The following NCALD variants were observed in gnomAD, a reference collection of about 807,000 sequenced individuals.
NCALD encodes neurocalcin delta, also known as neurocalcin-delta.
A neutral mutation model predicts 18.6 loss-of-function variants in NCALD; 10 were observed. The ratio of observed to expected loss-of-function variants is 0.54; its 90% CI spans 0.33 to 0.91. The LOEUF (loss-of-function observed/expected upper bound fraction) is 0.91, where lower values mean the gene tolerates loss of function less well. Among genes scored for constraint, NCALD ranks in the 40% least tolerant of loss-of-function variants. The pLI is 0.03. For missense variants in NCALD, 184 were observed against 247.6 expected, an observed-to-expected ratio of 0.74 and a Z score of 1.72; for synonymous variants, 88 against 87.4, an observed-to-expected ratio of 1.01 and a Z score of -0.04.
At chr8:101,997,576 C>A (rs1351175251) in intron 2 of NCALD, among the ~76,000 whole-genome samples, 2 of 152,186 alleles carry the variant, frequency 1.3e-5, no homozygotes, top group African/African-American at 2.4e-5. Context: ...AAATCAAACA[C>A]AAATTTCTTT....
At chr8:102,102,947 G>A (rs1825335222) in intron 1 of NCALD, among the ~76,000 whole-genome samples, 2 of 152,054 alleles carry the variant, frequency 1.3e-5, no homozygotes, top group African/African-American at 4.8e-5. Flanking sequence ...AGACCCTAGG[G>A]GACCAACTCA....
intron 2 of NCALD, among the ~76,000 whole-genome samples, chr8:101,981,913 G>A (rs978730389): frequency 6.6e-6 from 1 of 152,138 alleles, no homozygotes; most frequent in African/African-American, 2.4e-5. Flanking sequence ...GGGGTCTTCT[G>A]GGTGGTGTTT....
chr8:101,747,343 TA>T (rs762238044), intron 1 of NCALD, among the ~76,000 whole-genome samples: 6 of 152,300 alleles, frequency 3.9e-5, no homozygotes, highest in Non-Finnish European at 8.8e-5. Context: ...GTCTCCTTGC[TA>T]ATAAGATGGA....
At chr8:101,772,021 T>C (rs1268303229) in intron 1 of NCALD, among the ~76,000 whole-genome samples, 3 of 152,116 alleles carry the variant, frequency 2.0e-5, no homozygotes, top group African/African-American at 7.2e-5. Flanking sequence ...ACCTGAGTGG[T>C]AGGGACCTGG....
chr8:101,819,812 A>G (rs1223630169), intron 4 of NCALD, among the ~76,000 whole-genome samples: 2 of 152,222 alleles, frequency 1.3e-5, no homozygotes, highest in Middle Eastern at 3.2e-3. Context: ...TGAAGAGGAA[A>G]GGAGAGAACC....
intron 1 of NCALD, among the ~76,000 whole-genome samples, chr8:101,774,572 G>A (rs1183488937): frequency 6.6e-6 from 1 of 152,218 alleles, no homozygotes; most frequent in Non-Finnish European, 1.5e-5. Context: ...AAGGTAGAAA[G>A]AGCAAAAGAA....
At chr8:102,082,510 G>A (rs1203983105) in intron 1 of NCALD, among the ~76,000 whole-genome samples, 1 of 151,874 alleles carries the variant, frequency 6.6e-6, no homozygotes, top group Non-Finnish European at 1.5e-5. Flanking sequence ...AATACATGTG[G>A]AGCATCCACA....
chr8:102,065,936 C>T (rs1049585067), intron 1 of NCALD, among the ~76,000 whole-genome samples: 1 of 152,116 alleles, frequency 6.6e-6, no homozygotes, highest in Non-Finnish European at 1.5e-5. Context: ...GATTTTATAA[C>T]TGTATATGAT....
At chr8:101,693,828 G>C (rs1814862037) in intron 2 of NCALD, 1 of 152,210 alleles carries the variant, frequency 6.6e-6, no homozygotes, top group East Asian at 1.9e-4. Flanking sequence ...CCCTGTGTGT[G>C]ACAATGGTCT....
At chr8:101,942,256 CT>C (rs1017213032) in intron 2 of NCALD, among the ~76,000 whole-genome samples, 27 of 152,200 alleles carry the variant, frequency 1.8e-4, no homozygotes, top group African/African-American at 5.1e-4. Context: ...CTTAACCCGT[CT>C]GCTGCTGGCC....
At position 101,732,590 on chromosome 8, in the gene NCALD, C is replaced by CTTTTT. The variant is rs576286368; in HGVS notation, c.-19-12947_-19-12943dup. On this transcript the variant is annotated intron_variant, in intron 1 of 3. Transcript: ENST00000220931. ...AATTCAGAGTATTTCTTTTTCTTTG[C>CTTTTT]TTTTTTTTTTTTTTTTTTTTTTTTT... is the stretch of plus-strand genomic sequence containing the variant. Among the ~76,000 whole-genome samples, 230 of 53,694 alleles carry CTTTTT rather than the reference C, an allele frequency of 4.3e-3. 9 individuals are homozygous for CTTTTT. Among genetic ancestry groups the CTTTTT allele is most frequent in the Non-Finnish European group, 6.0e-3 (180 of 29,764 alleles). 35.2% of individuals were successfully genotyped at this position (53,694 alleles called of 152,430 possible).
At chr8:101,757,281 C>G (rs1004653498) in intron 1 of NCALD, among the ~76,000 whole-genome samples, 16 of 152,294 alleles carry the variant, frequency 1.1e-4, no homozygotes, top group African/African-American at 3.6e-4. Flanking sequence ...GTACTAGTTT[C>G]TCTTTTAAAA....
chr8:101,804,653 A>G (rs1813027402), intron 4 of NCALD, among the ~76,000 whole-genome samples: 1 of 126,624 alleles, frequency 7.9e-6, no homozygotes, highest in African/African-American at 3.1e-5. Context: ...ATATATTAGT[A>G]TAATATAATT....
chr8:101,792,756 C>T (rs150754729), upstream of NCALD, among the ~76,000 whole-genome samples: 27 of 152,334 alleles, frequency 1.8e-4, no homozygotes, highest in African/African-American at 5.3e-4. Flanking sequence ...GCTTAATTTA[C>T]CATCTCTCTG....
At chr8:101,867,487 G>T (rs1165582370) in intron 4 of NCALD, among the ~76,000 whole-genome samples, 1 of 152,156 alleles carries the variant, frequency 6.6e-6, no homozygotes, top group Non-Finnish European at 1.5e-5. Flanking sequence ...AAGTAATTTT[G>T]AACTTCAGCT....
chr8:101,856,810 T>C (rs16868561), intron 4 of NCALD, among the ~76,000 whole-genome samples: 2,552 of 152,240 alleles, frequency 0.017, 84 homozygotes, highest in African/African-American at 0.055. Context: ...TGCCACGTCA[T>C]GACACACACA....
At chr8:101,883,269 G>A (rs1816554702) in intron 4 of NCALD, among the ~76,000 whole-genome samples, 1 of 152,176 alleles carries the variant, frequency 6.6e-6, no homozygotes, top group East Asian at 1.9e-4. Context: ...TGCTACTCAG[G>A]AGGCTGAGGC....
intron 2 of NCALD, among the ~76,000 whole-genome samples, chr8:101,698,270 A>G (rs1233674749): frequency 2.0e-5 from 3 of 152,234 alleles, no homozygotes; most frequent in African/African-American, 7.2e-5. Flanking sequence ...ACCACTGCTC[A>G]AGTAAATAAG....
chr8:101,992,524 C>CA (rs1465038444), intron 2 of NCALD, among the ~76,000 whole-genome samples: 1 of 152,152 alleles, frequency 6.6e-6, no homozygotes, highest in Non-Finnish European at 1.5e-5. Flanking sequence ...GTCCACACCA[C>CA]AATAATATGA....
Sources: gnomAD v4.1 joint callset for allele counts (sites outside exome capture counted in the v4.1 genomes callset) on GRCh38, gnomAD v4.1.1 for gene constraint, MANE v1.5 for transcripts, NCBI Gene and HGNC (gene_info 2026-07-23, HGNC 2026-07-21) for gene names.